GSN: variants seen among roughly 807,000 people sequenced by gnomAD.
GSN encodes gelsolin.
Under a neutral mutation model 85.7 loss-of-function variants are expected in GSN, and 56 were observed. That is an observed-to-expected ratio of 0.65 (90% confidence interval 0.53 to 0.82). GSN has a LOEUF of 0.82. Ranked by LOEUF, GSN falls within the 40% of genes least tolerant of loss-of-function variation. The pLI, the probability that GSN is intolerant of heterozygous loss-of-function variation, is 0.00. For synonymous variants in GSN, 373 were observed against 399.1 expected (o/e 0.93, Z 0.78); for missense variants, 857 against 979.8 (o/e 0.87, Z 1.67).
chr9:121,210,815 AG>A (rs1179406773), exon 4 of GSN: 1 of 152,226 alleles, frequency 6.6e-6, no homozygotes, highest in Non-Finnish European at 1.5e-5. Context: ...GCCCATAACC[AG>A]GCACTGTGTA....
chr9:121,236,001 C>T (rs189907039), intron 5 of GSN, among the ~76,000 whole-genome samples: 4 of 152,242 alleles, frequency 2.6e-5, no homozygotes, highest in Non-Finnish European at 5.9e-5. Context: ...CTTAAAACAA[C>T]AGAAATGTAT....
Position 121,325,318 on chromosome 9 carries a change from G to A in GSN, c.1416+674G>A, listed in dbSNP as rs998301891. ...ACTGTTCAACTGGGACCTGATGCAC[G>A]TGTAGGAGTTGCCCAGGCAGAGTGA... On this transcript the variant is annotated intron_variant, in intron 12 of 17. Transcript: ENST00000432226. Among the ~76,000 whole-genome samples the A allele has an allele frequency of 2.0e-5, 3 of 152,230 alleles. No individual in the cohort carries two copies. The South Asian group carries it at 6.2e-4, about 31-fold the overall frequency.
At chr9:121,293,697 C>CA (rs55953322) in intron 2 of GSN, among the ~76,000 whole-genome samples, 1,089 of 108,642 alleles carry the variant, frequency 0.01, 12 homozygotes, top group African/African-American at 0.034. Context: ...GACCCCATCT[C>CA]AAAAAAAAAA....
At chr9:121,211,040 T>C (rs974318476) in intron 4 of GSN, among the ~76,000 whole-genome samples, 2 of 152,218 alleles carry the variant, frequency 1.3e-5, no homozygotes, top group African/African-American at 4.8e-5. Flanking sequence ...ACAACAAGGA[T>C]GAACCATTAT....
intron 7 of GSN, among the ~76,000 whole-genome samples, chr9:121,315,887 C>A (rs1003464118): frequency 6.6e-6 from 1 of 152,202 alleles, no homozygotes; most frequent in South Asian, 2.1e-4. Flanking sequence ...CCACTCTGTG[C>A]CTTGGTTTCC....
rs1321392168 is a variant in GSN at position 121,310,786 on chromosome 9, G to T, written c.454G>T (p.Val152Leu). 3.1e-6 allele frequency: 5 copies of T among 1,614,032 alleles called. No homozygotes were observed. The highest frequency in any genetic ancestry group is 4.2e-6 in the Non-Finnish European group (5 of 1,180,034). The change falls in exon 5 of 18, where the codon GTA becomes TTA. Residue 152 changes from valine to leucine, a missense_variant. Physicochemically the swap from Val to Leu is conservative, Grantham distance 32. Coordinates refer to ENST00000432226, the MANE Select transcript of GSN (RefSeq NM_198252.3). Reference sequence around the variant, plus strand: ...GCGGCGTGTGGTCCGTGCCACCGAGGTACCTGTGTCCTGGGAGAGCTTCAA... The same window carrying T: ...GCGGCGTGTGGTCCGTGCCACCGAGTTACCTGTGTCCTGGGAGAGCTTCAA... ...KGRRVVRATE[V>L]PVSWESFNNG...
At chr9:121,213,638 G>C (rs1191542731) in intron 4 of GSN, among the ~76,000 whole-genome samples, 1 of 152,216 alleles carries the variant, frequency 6.6e-6, no homozygotes, top group Admixed American at 6.5e-5. Context: ...GTGAGCTGTT[G>C]TATTAATATT....
intron 5 of GSN, among the ~76,000 whole-genome samples, chr9:121,234,939 G>A (rs1345242632): frequency 6.6e-6 from 1 of 152,202 alleles, no homozygotes; most frequent in Non-Finnish European, 1.5e-5. Context: ...GTTCCCAGCT[G>A]AGAAACAGGG....
chr9:121,304,712 A>G (rs1191217116), intron 4 of GSN, among the ~76,000 whole-genome samples: 1 of 152,230 alleles, frequency 6.6e-6, no homozygotes, highest in Non-Finnish European at 1.5e-5. Context: ...CAGCCTCACA[A>G]CTGTCCTGGG....
chr9:121,331,415 C>CAAG lies in GSN; in HGVS notation c.2002_2004dup (p.Glu668dup). The CAAG allele has an allele frequency of 6.2e-7, 1 of 1,607,764 alleles. No homozygotes were observed. Among genetic ancestry groups the CAAG allele is most frequent in the Non-Finnish European group, 8.5e-7 (1 of 1,176,260 alleles). On this transcript the variant is annotated inframe_insertion, in exon 17 of 18. Coordinates refer to ENST00000432226, the MANE Select transcript of GSN (RefSeq NM_198252.3). ...CTTTGTCTGGGTTGGAAAGGATTCTCAAGAAGAAGAAAAGACAGAAGCCTT... is the reference window on the plus strand; with the variant it reads ...CTTTGTCTGGGTTGGAAAGGATTCTCAAGAAGAAGAAGAAAAGACAGAAGCCTT...
At chr9:121,281,098 T>G in intron 1 of GSN, 1 of 160,308 alleles carries the variant, frequency 6.2e-6, no homozygotes, top group Non-Finnish European at 1.4e-5. Context: ...GGAAAGGGGG[T>G]GCACAATTTG....
chr9:121,317,347 G>GCTGAGGCCTTGGTT, intron 8 of GSN, 129 bp downstream of exon 8: 1 of 1,050,780 alleles, frequency 9.5e-7, no homozygotes, highest in South Asian at 1.3e-5. Context: ...GAAGTCTTGG[G>GCTGAGGCCTTGGTT]CTGAGGCCTT....
intron 2 of GSN, chr9:121,210,212 T>C (rs2053947368): frequency 6.6e-6 from 1 of 152,232 alleles, no homozygotes; most frequent in Non-Finnish European, 1.5e-5. Context: ...ACTACTTCCC[T>C]GTTCCACACC....
At position 121,328,958 on chromosome 9, in the gene GSN, G is replaced by A; in HGVS notation, c.1830G>A (p.Lys610=). The A allele has an allele frequency of 3.1e-6, 5 of 1,614,036 alleles. No individual in the cohort carries two copies. Among genetic ancestry groups the A allele is most frequent in the Non-Finnish European group, 4.2e-6 (5 of 1,180,040 alleles). ...CATCCCCACGGCTGAAGGACAAGAA[G>A]ATGGATGCCCATCCTCCTCGCCTCT... ...YRTSPRLKDK[K]MDAHPPRLFA... is the part of the protein sequence containing the mutation. The change falls in exon 15 of 18, where the codon AAG becomes AAA. Residue 610 remains lysine (K), a synonymous_variant. Transcript: ENST00000432226.
At position 121,317,098 on chromosome 9, in the gene GSN, G is replaced by A. The variant is rs1418309924; in HGVS notation, c.766G>A (p.Ala256Thr). The change falls in exon 8 of 18, where the codon GCA (alanine) becomes ACA (threonine). Residue 256 changes from alanine (A) to threonine (T), a missense_variant. Coordinates refer to ENST00000432226, the MANE Select transcript of GSN (RefSeq NM_198252.3). ...TTCGTCCCCTCAGGTCTCCAATGGT[G>A]CAGGGACCATGTCCGTCTCCCTCGT... ...LAKLYKVSNG[A>T]GTMSVSLVAD... The A allele has an allele frequency of 1.9e-6, 3 of 1,614,208 alleles. No individual in the cohort carries two copies. Among genetic ancestry groups the A allele is most frequent in the Non-Finnish European group, 2.5e-6 (3 of 1,180,022 alleles).
At chr9:121,294,991 G>T (rs1016439823) in intron 2 of GSN, among the ~76,000 whole-genome samples, 3 of 152,198 alleles carry the variant, frequency 2.0e-5, no homozygotes, top group Non-Finnish European at 2.9e-5. Context: ...GAGAGGGAAG[G>T]TAACTTGCTC....
chr9:121,224,969 C>A (rs984131377), intron 4 of GSN, among the ~76,000 whole-genome samples: 36 of 152,000 alleles, frequency 2.4e-4, no homozygotes, highest in African/African-American at 8.7e-4. Flanking sequence ...CAGACGCATG[C>A]CACTACGCTG....
intron 6 of GSN, among the ~76,000 whole-genome samples, chr9:121,254,919 A>C (rs55972108): frequency 8.8e-4 from 133 of 150,952 alleles, no homozygotes; most frequent in African/African-American, 3.0e-3. Context: ...AGTACAAGCA[A>C]ATACATATAT....
chr9:121,224,111 T>A (rs1385015151), intron 4 of GSN, among the ~76,000 whole-genome samples: 2 of 152,106 alleles, frequency 1.3e-5, no homozygotes, highest in African/African-American at 4.8e-5. Flanking sequence ...TTATTTATTT[T>A]TTAGAGACGG....
Sources: allele counts gnomAD v4.1 joint callset (sites outside exome capture counted in the v4.1 genomes callset), GRCh38; gene constraint gnomAD v4.1.1; transcripts MANE v1.5; gene names NCBI Gene and HGNC (gene_info 2026-07-23, HGNC 2026-07-21).